RUNX1T1: variants seen among roughly 807,000 people sequenced by gnomAD.
The protein encoded by RUNX1T1 is protein CBFA2T1.
A neutral mutation model predicts 62.8 loss-of-function variants in RUNX1T1; 4 were observed. The observed-to-expected ratio is 0.06, with a 90% CI of 0.03 to 0.15. The LOEUF is 0.15. Ranked by LOEUF, RUNX1T1 falls within the 10% of genes least tolerant of loss-of-function variation. The pLI, the probability that RUNX1T1 is intolerant of heterozygous loss-of-function variation, is 1.00. For synonymous variants in RUNX1T1, 291 were observed against 286.0 expected, an observed-to-expected ratio of 1.02 and a Z score of -0.18; for missense variants, 508 against 754.3, an observed-to-expected ratio of 0.67 and a Z score of 3.82.
chr8:91,968,498 G>A (rs542309064), intron 10 of RUNX1T1, among the ~76,000 whole-genome samples: 26 of 152,258 alleles, frequency 1.7e-4, no homozygotes, highest in Middle Eastern at 3.4e-3. Flanking sequence ...CTTATTGGGC[G>A]TAAAGAGATC....
chr8:92,003,301 C>G (rs1216699781), intron 5 of RUNX1T1: 1 of 455,798 alleles, frequency 2.2e-6, no homozygotes, highest in Non-Finnish European at 4.4e-6. Flanking sequence ...CCAGCACTTA[C>G]CTTAAGACTG....
chr8:92,084,854 C>T (rs767320560), intron 1 of RUNX1T1, among the ~76,000 whole-genome samples: 45 of 152,260 alleles, frequency 3.0e-4, no homozygotes, highest in Admixed American at 3.3e-4. Context: ...TGTCATTTGT[C>T]TTCAACATCC....
At chr8:91,994,513 A>G (rs1818310854) in intron 5 of RUNX1T1, 2 of 465,454 alleles carry the variant, frequency 4.3e-6, no homozygotes, top group African/African-American at 2.0e-5. Context: ...TGTAGTGGAA[A>G]GAGCACTGGA....
upstream of RUNX1T1, among the ~76,000 whole-genome samples, chr8:92,066,118 C>G (rs1832836244): frequency 6.6e-6 from 1 of 152,172 alleles, no homozygotes; most frequent in African/African-American, 2.4e-5. Context: ...TTGGCTTTAA[C>G]AAAGCTGAAT....
intron 1 of RUNX1T1, among the ~76,000 whole-genome samples, chr8:92,019,432 G>A (rs1339618721): frequency 6.6e-6 from 1 of 152,030 alleles, no homozygotes; most frequent in Non-Finnish European, 1.5e-5. Flanking sequence ...GGGAGGGGAA[G>A]TGGGAGTAAC....
chr8:92,078,977 G>A (rs1283836045), intron 1 of RUNX1T1, among the ~76,000 whole-genome samples: 1 of 152,120 alleles, frequency 6.6e-6, no homozygotes, highest in South Asian at 2.1e-4. Context: ...AATTTAATAG[G>A]ATGTAAAGAC....
At chr8:92,041,299 C>T (rs1162786432) in intron 1 of RUNX1T1, among the ~76,000 whole-genome samples, 1 of 152,208 alleles carries the variant, frequency 6.6e-6, no homozygotes, top group Non-Finnish European at 1.5e-5. Flanking sequence ...CACCTCCCAC[C>T]AATAACCCAC....
At chr8:92,101,305 GATTA>G (rs1487951463), upstream of RUNX1T1, among the ~76,000 whole-genome samples, 1 of 152,170 alleles carries the variant, frequency 6.6e-6, no homozygotes, top group Non-Finnish European at 1.5e-5. Context: ...GCTCTGGGCA[GATTA>G]ATTAAGAAAA....
intron 8 of RUNX1T1, among the ~76,000 whole-genome samples, chr8:91,982,830 C>T (rs1385215121): frequency 6.6e-6 from 1 of 151,196 alleles, no homozygotes; most frequent in Non-Finnish European, 1.5e-5. Flanking sequence ...AATAGAAATA[C>T]CATTATGAAT....
intron 8 of RUNX1T1, 118 bp from the exon 10 acceptor site, chr8:91,976,091 A>C: frequency 2.9e-6 from 2 of 689,834 alleles, no homozygotes; most frequent in Admixed American, 2.5e-5. Context: ...ACAAAAACGC[A>C]ATTTTAAAAG....
chr8:92,043,973 C>T (rs376026556), intron 1 of RUNX1T1, among the ~76,000 whole-genome samples: 45 of 137,422 alleles, frequency 3.3e-4, no homozygotes, highest in Non-Finnish European at 5.2e-4. Flanking sequence ...AGTGAAACTC[C>T]GTCTCAAAAA....
At chr8:92,039,745 T>A (rs1828088200) in intron 1 of RUNX1T1, among the ~76,000 whole-genome samples, 1 of 152,176 alleles carries the variant, frequency 6.6e-6, no homozygotes. Flanking sequence ...ATTGCTCATA[T>A]CAGAATCCAG....
At chr8:91,963,644 A>C (rs1810998499) in intron 10 of RUNX1T1, among the ~76,000 whole-genome samples, 1 of 152,186 alleles carries the variant, frequency 6.6e-6, no homozygotes, top group South Asian at 2.1e-4. Context: ...TCCAATTTGG[A>C]TCATTCTAAG....
chr8:92,002,588 T>A (rs558564987), intron 5 of RUNX1T1, among the ~76,000 whole-genome samples: 1 of 152,136 alleles, frequency 6.6e-6, no homozygotes, highest in East Asian at 1.9e-4. Flanking sequence ...GTTCATGACA[T>A]GTCATGAACA....
At chr8:92,009,265 A>G (rs1821471204) in intron 4 of RUNX1T1, among the ~76,000 whole-genome samples, 1 of 152,234 alleles carries the variant, frequency 6.6e-6, no homozygotes, top group African/African-American at 2.4e-5. Context: ...TTCTCCATAA[A>G]TGCAAAATGG....
intron 1 of RUNX1T1, among the ~76,000 whole-genome samples, chr8:92,038,619 G>C (rs763432204): frequency 6.6e-6 from 1 of 152,072 alleles, no homozygotes; most frequent in Admixed American, 6.6e-5. Context: ...GGTGAGGCAA[G>C]AAAGTCATCC....
At chr8:92,072,337 A>G (rs1454144581) in intron 2 of RUNX1T1, among the ~76,000 whole-genome samples, 1 of 152,220 alleles carries the variant, frequency 6.6e-6, no homozygotes, top group Non-Finnish European at 1.5e-5. Flanking sequence ...TTCACCAAAA[A>G]TTTTATTTAA....
chr8:92,031,324 A>G (rs1298066787), intron 1 of RUNX1T1, among the ~76,000 whole-genome samples: 1 of 152,234 alleles, frequency 6.6e-6, no homozygotes, highest in Non-Finnish European at 1.5e-5. Flanking sequence ...GTGTACTCAA[A>G]TCATTACAAA....
At chr8:92,010,739 A>G (rs1192459669) in intron 4 of RUNX1T1, 1 of 323,124 alleles carries the variant, frequency 3.1e-6, no homozygotes, top group East Asian at 5.3e-5. Context: ...CATATCTCAT[A>G]TGACCAAAAA....
Sources: gnomAD v4.1 joint callset for allele counts (sites outside exome capture counted in the v4.1 genomes callset) on GRCh38, gnomAD v4.1.1 for gene constraint, MANE v1.5 for transcripts, NCBI Gene and HGNC (gene_info 2026-07-23, HGNC 2026-07-21) for gene names.